THSD7A: variants seen among roughly 807,000 people sequenced by gnomAD.
THSD7A encodes thrombospondin type 1 domain containing 7A.
In THSD7A, 96 loss-of-function variants were observed where a neutral mutation model predicts 231.3. That is an observed-to-expected ratio of 0.41 (90% CI 0.35 to 0.49). The LOEUF (loss-of-function observed/expected upper bound fraction) is 0.49, where lower values mean the gene tolerates loss of function less well. Among genes scored for constraint, THSD7A ranks in the 20% least tolerant of loss-of-function variants. The pLI, the probability that THSD7A is intolerant of heterozygous loss-of-function variation, is 0.05. For synonymous variants in THSD7A, 940 were observed against 743.3 expected (o/e 1.26, Z -4.30); for missense variants, 2,290 against 2,070.2 (o/e 1.11, Z -2.06).
At chr7:11,516,466 T>C (rs1788034215) in intron 6 of THSD7A, among the ~76,000 whole-genome samples, 1 of 152,168 alleles carries the variant, frequency 6.6e-6, no homozygotes, top group African/African-American at 2.4e-5. Flanking sequence ...TTCATGGCTA[T>C]ATTATAGTGC....
At chr7:11,763,339 T>A (rs540645110) in intron 1 of THSD7A, among the ~76,000 whole-genome samples, 3 of 152,294 alleles carry the variant, frequency 2.0e-5, no homozygotes, top group Admixed American at 1.3e-4. Context: ...AAATATCACT[T>A]CTCAGGGTAA....
intron 6 of THSD7A, 136 bp downstream of exon 6, chr7:11,541,283 G>C: frequency 1.2e-6 from 1 of 820,552 alleles, no homozygotes; most frequent in Admixed American, 2.4e-5. Flanking sequence ...GAGAGGGAGG[G>C]AGAGAGAAGC....
chr7:11,604,263 A>G (rs991871099), intron 2 of THSD7A, among the ~76,000 whole-genome samples: 14 of 152,114 alleles, frequency 9.2e-5, no homozygotes, highest in Admixed American at 7.9e-4. Context: ...AGTTTTCCCA[A>G]GGTCTTGCTT....
At chr7:11,500,661 C>T (rs192844790) in intron 6 of THSD7A, among the ~76,000 whole-genome samples, 92 of 152,006 alleles carry the variant, frequency 6.1e-4, no homozygotes, top group African/African-American at 2.1e-3. Flanking sequence ...AAGAAGGGGC[C>T]GGGTGCAGTG....
rs1786055419 is a variant in THSD7A, at chr7:11,474,281, A to G, written c.2252+53T>C. 1.4e-6 allele frequency: 2 copies of G among 1,469,448 alleles called. No individual in the cohort carries two copies. The highest frequency in any genetic ancestry group is 1.9e-6 in the Non-Finnish European group (2 of 1,073,540). The allele number at this position is 1,469,448 out of a possible 1,614,324, so 91.0% of individuals were successfully genotyped here. A position where few individuals can be genotyped will look rare whatever the true frequency, so the allele number is the denominator to read the frequency against. On this transcript the variant is annotated intron_variant, in intron 8 of 27. Transcript: ENST00000423059. The surrounding 1 kb of genome is among the most constrained non-coding windows in gnomAD (Gnocchi z 4.1). Reference sequence around the variant, plus strand: ...CATGAAGCCAGTGAAGCCTGAGCCAATCCTCTGCACAGGTGGCTACACGAT... The same window carrying G: ...CATGAAGCCAGTGAAGCCTGAGCCAGTCCTCTGCACAGGTGGCTACACGAT...
At chr7:11,745,243 T>G (rs961817174) in intron 1 of THSD7A, among the ~76,000 whole-genome samples, 5 of 152,124 alleles carry the variant, frequency 3.3e-5, no homozygotes, top group African/African-American at 7.2e-5. Flanking sequence ...AATGTCTTCT[T>G]CTGAGAAATG....
At chr7:11,519,229 G>C (rs781121127) in intron 6 of THSD7A, among the ~76,000 whole-genome samples, 9 of 152,100 alleles carry the variant, frequency 5.9e-5, no homozygotes, top group African/African-American at 1.7e-4. Context: ...GATCACAAAA[G>C]AGAGCACTGC....
chr7:11,779,764 A>T (rs975287491), intron 1 of THSD7A, among the ~76,000 whole-genome samples: 2 of 152,196 alleles, frequency 1.3e-5, no homozygotes, highest in African/African-American at 2.4e-5. Context: ...TTTTCAAGTC[A>T]TCAGTCATTG....
At chr7:11,512,355 A>C (rs1184700776) in intron 6 of THSD7A, among the ~76,000 whole-genome samples, 1 of 152,184 alleles carries the variant, frequency 6.6e-6, no homozygotes, top group Non-Finnish European at 1.5e-5. Context: ...AAGTAGTTCA[A>C]CCATTGTGGA....
chr7:11,569,118 A>T (rs1221149537), intron 4 of THSD7A, among the ~76,000 whole-genome samples: 1 of 152,188 alleles, frequency 6.6e-6, no homozygotes, highest in Non-Finnish European at 1.5e-5. Flanking sequence ...GCTTCAGGAC[A>T]TTGGTCTAGG....
intron 1 of THSD7A, among the ~76,000 whole-genome samples, chr7:11,642,258 G>A (rs1030962677): frequency 6.6e-6 from 1 of 152,028 alleles, no homozygotes; most frequent in African/African-American, 2.4e-5. Context: ...AAAATCTGGT[G>A]GAGTGGTGTT....
chr7:11,709,919 C>G (rs755810487), intron 1 of THSD7A, among the ~76,000 whole-genome samples: 53 of 150,760 alleles, frequency 3.5e-4, no homozygotes, highest in Non-Finnish European at 1.2e-4. Flanking sequence ...TTCCTGCTTG[C>G]ACACAACTTC....
chr7:11,378,876 T>G (rs185925755), intron 26 of THSD7A, 194 bp downstream of exon 26: 1 of 587,718 alleles, frequency 1.7e-6, no homozygotes, highest in East Asian at 2.9e-5. Context: ...ATTTCATTTC[T>G]CTGAACTTCA....
intron 2 of THSD7A, among the ~76,000 whole-genome samples, chr7:11,614,845 A>G (rs1781052769): frequency 1.3e-5 from 2 of 152,208 alleles, no homozygotes; most frequent in Non-Finnish European, 2.9e-5. Flanking sequence ...AATAAACATC[A>G]AGAAGAGATG....
intron 1 of THSD7A, among the ~76,000 whole-genome samples, chr7:11,760,026 C>A (rs1442309432): frequency 4.6e-5 from 7 of 151,754 alleles, no homozygotes; most frequent in Non-Finnish European, 8.8e-5. Flanking sequence ...ATATGAGAAG[C>A]AATATTACAC....
intron 1 of THSD7A, among the ~76,000 whole-genome samples, chr7:11,808,504 C>T (rs1360275702): frequency 6.6e-6 from 1 of 152,116 alleles, no homozygotes; most frequent in Admixed American, 6.6e-5. Context: ...ATTGGGTATT[C>T]TGTTATAGCA....
Position 11,798,921 on chromosome 7 carries a change from TG to T in THSD7A, c.190+32835del, listed in dbSNP as rs570737496. Among the ~76,000 whole-genome samples the T allele has an allele frequency of 2.8e-5, 4 of 143,264 alleles. No homozygotes were observed. In the South Asian group the frequency reaches 9.0e-4, roughly 32 times the overall value. The allele number at this position is 143,264 out of a possible 152,430, so 94.0% of individuals were successfully genotyped here. ...TTTGGTTTAAAGTTGAGAATTTAGT[TG>T]AACAACTCTTTTTTTTTTTGAGACA... On this transcript the variant is annotated intron_variant, in intron 1 of 27. Transcript: ENST00000423059.
intron 1 of THSD7A, among the ~76,000 whole-genome samples, chr7:11,762,990 C>A (rs906307855): frequency 2.0e-5 from 3 of 152,044 alleles, no homozygotes; most frequent in Non-Finnish European, 2.9e-5. Flanking sequence ...GCCCCAATAG[C>A]CAAACAATCC....
intron 1 of THSD7A, among the ~76,000 whole-genome samples, chr7:11,695,023 G>A (rs1266250722): frequency 6.6e-6 from 1 of 151,466 alleles, no homozygotes; most frequent in Admixed American, 6.6e-5. Context: ...TAATCCTGCA[G>A]CCAGATATTA....
Sources: gnomAD v4.1 joint callset for allele counts (sites outside exome capture counted in the v4.1 genomes callset) on GRCh38, gnomAD v4.1.1 for gene constraint, Gnocchi (gnomAD v3.1) non-coding constraint, MANE v1.5 for transcripts, NCBI Gene and HGNC (gene_info 2026-07-23, HGNC 2026-07-21) for gene names.